SIVA1: variants seen among roughly 807,000 people sequenced by gnomAD.
SIVA1 encodes SIVA1 apoptosis inducing factor, also known as apoptosis regulatory protein Siva.
A neutral mutation model predicts 19.7 loss-of-function variants in SIVA1; 10 were observed. That is an observed-to-expected ratio of 0.51 (90% confidence interval 0.31 to 0.86). SIVA1 has a LOEUF of 0.86. Among genes scored for constraint, SIVA1 ranks in the 40% least tolerant of loss-of-function variants. The pLI, the probability that SIVA1 is intolerant of heterozygous loss-of-function variation, is 0.04. For missense variants in SIVA1, 241 were observed against 245.2 expected, an observed-to-expected ratio of 0.98 and a Z score of 0.11; for synonymous variants, 130 against 106.1, an observed-to-expected ratio of 1.23 and a Z score of -1.39.
chr14:104,753,925 G>C (rs1022202035), intron 1 of SIVA1: 7 of 353,044 alleles, frequency 2.0e-5, no homozygotes, highest in African/African-American at 1.5e-4. Flanking sequence ...GGCACGGAAG[G>C]CTTCTTGGAA....
At chr14:104,753,763 G>C (rs1347153482) in intron 1 of SIVA1, 2 of 455,022 alleles carry the variant, frequency 4.4e-6, no homozygotes, top group African/African-American at 4.0e-5. Flanking sequence ...GGCCCTGCCA[G>C]GCACGGCGGC....
chr14:104,753,422 G>C, intron 1 of SIVA1, 103 bp downstream of exon 1: 7 of 763,494 alleles, frequency 9.2e-6, no homozygotes, highest in Non-Finnish European at 1.4e-5. Context: ...GGAGGGCCCT[G>C]CTTTCTGGCC....
Position 104,755,698 on chromosome 14 carries a change from G to A in SIVA1, c.187G>A (p.Ala63Thr), listed in dbSNP as rs1220840702. The A allele has an allele frequency of 6.2e-7, 1 of 1,614,120 alleles. No individual in the cohort carries two copies. Among genetic ancestry groups the A allele is most frequent in the Admixed American group, 1.7e-5 (1 of 60,024 alleles). The change falls in exon 2 of 4, where the codon GCC becomes ACC. Residue 63 changes from alanine to threonine, a missense_variant. Physicochemically the swap from Ala to Thr is moderately conservative, Grantham distance 58. Coordinates refer to ENST00000329967, the MANE Select transcript of SIVA1 (RefSeq NM_006427.4). ...GGACCACGTGTGGGATGAAGGCTGT[G>A]CCGTCGTTCACCTGCCAGAGTCCCC... Reference protein sequence around the residue: ...YLDHVWDEGCAVVHLPESPKP... With the variant: ...YLDHVWDEGCTVVHLPESPKP...
rs972295854 is a variant in SIVA1, at chr14:104,756,966, C to T, written c.470+206C>T. 1.6e-5 allele frequency: 10 copies of T among 611,172 alleles called. No individual in the cohort carries two copies. The African/African-American group carries it at 1.7e-4, about 10-fold the overall frequency. 37.9% of individuals were successfully genotyped at this position (611,172 alleles called of 1,614,324 possible). A position where few individuals can be genotyped will look rare whatever the true frequency, so the allele number is the denominator to read the frequency against. ...TAATCCTCTCTAAGGGAAAGCTGAA[C>T]CTCACAGATGACCTGCTCTGTATCC... On this transcript the variant is annotated intron_variant, in intron 3 of 3. Coordinates refer to ENST00000329967, the MANE Select transcript of SIVA1 (RefSeq NM_006427.4).
chr14:104,756,849 AAC>A (rs201083906), intron 3 of SIVA1, 89 bp downstream of exon 3: 2 of 1,309,548 alleles, frequency 1.5e-6, no homozygotes, highest in African/African-American at 2.0e-5. Context: ...GTGGGCCCAG[AAC>A]ACACACGTGT....
chr14:104,756,898 G>A, intron 3 of SIVA1, 138 bp downstream of exon 3: 6 of 992,476 alleles, frequency 6.0e-6, no homozygotes, highest in Middle Eastern at 5.6e-4. Flanking sequence ...TTGCCTAACG[G>A]GACATGGTGG....
intron 1 of SIVA1, 51 bp downstream of exon 1, chr14:104,753,370 G>C: frequency 7.7e-7 from 1 of 1,297,902 alleles, no homozygotes; most frequent in Non-Finnish European, 1.1e-6. Flanking sequence ...GCCTGGAACG[G>C]GCCGGGCCTC....
chr14:104,756,668 CTGCGGTCAGTGTGAGCGAGCCCTG>C lies in SIVA1; in HGVS notation c.384_407del (p.Glu131_Cys138del). On this transcript the variant is annotated inframe_deletion, in exon 3 of 4. Coordinates refer to ENST00000329967, the MANE Select transcript of SIVA1 (RefSeq NM_006427.4). ...TGCGAGCCGTGGATGGGAAGGCGGT[CTGCGGTCAGTGTGAGCGAGCCCTG>C]TGCGGGCAGTGTGTGCGCACCTGCT... The C allele has an allele frequency of 6.2e-7, 1 of 1,614,222 alleles. No individual in the cohort carries two copies. Among genetic ancestry groups the C allele is most frequent in the South Asian group, 1.1e-5 (1 of 91,092 alleles).
intron 1 of SIVA1, among the ~76,000 whole-genome samples, chr14:104,754,927 G>A (rs778123805): frequency 6.6e-6 from 1 of 152,178 alleles, no homozygotes; most frequent in African/African-American, 2.4e-5. Flanking sequence ...CTGTGTTATG[G>A]TGAGGTGCAA....
chr14:104,753,681 G>C (rs754516683), intron 1 of SIVA1: 1 of 427,668 alleles, frequency 2.3e-6, no homozygotes, highest in Non-Finnish European at 4.7e-6. Context: ...AGAGGTTGGG[G>C]AGCGGGGCGT....
chr14:104,755,485 G>A (rs937183261), intron 1 of SIVA1, 145 bp from the exon 2 acceptor site: 3 of 734,184 alleles, frequency 4.1e-6, no homozygotes, highest in African/African-American at 1.8e-5. Flanking sequence ...AGCTCGCCAG[G>A]GCACAACACA....
At chr14:104,757,289 G>A (rs1157382432) in intron 3 of SIVA1, 1 of 443,104 alleles carries the variant, frequency 2.3e-6, no homozygotes, top group Non-Finnish European at 4.5e-6. Context: ...TACTCACCTG[G>A]TGGATGGGAG....
Position 104,753,180 on chromosome 14 carries a change from C to G in SIVA1, c.-22C>G. ...TAAGGGGCTGGCGGCCGGGGAGCTGCGTAGCTCCCGGCCCCGCGGCCATGC... is the reference window on the plus strand; with the variant it reads ...TAAGGGGCTGGCGGCCGGGGAGCTGGGTAGCTCCCGGCCCCGCGGCCATGC... On this transcript the variant is annotated 5_prime_UTR_variant, in exon 1 of 4. Transcript: ENST00000329967. 2 of 1,486,512 alleles carry G rather than the reference C, an allele frequency of 1.3e-6. No individual in the cohort carries two copies. The highest frequency in any genetic ancestry group is 2.4e-5 in the South Asian group (2 of 84,514). 92.1% of individuals were successfully genotyped at this position (1,486,512 alleles called of 1,614,324 possible).
intron 3 of SIVA1, chr14:104,757,288 G>A (rs1363643302): frequency 2.3e-6 from 1 of 442,854 alleles, no homozygotes; most frequent in African/African-American, 2.0e-5. Flanking sequence ...CTACTCACCT[G>A]GTGGATGGGA....
chr14:104,758,473 C>T (rs1891975444), intron 3 of SIVA1: 1 of 150,386 alleles, frequency 6.6e-6, no homozygotes, highest in Admixed American at 6.7e-5. Context: ...GTTCCCTAGC[C>T]TTTACCTTTA....
intron 3 of SIVA1, 23 bp downstream of exon 3, chr14:104,756,783 C>T (rs781040576): frequency 6.3e-6 from 10 of 1,589,286 alleles, no homozygotes; most frequent in Non-Finnish European, 8.6e-6. Flanking sequence ...GTCCCTGGAG[C>T]TGCTGAGATC....
rs1241871185 is a variant in SIVA1 at position 104,753,240 on chromosome 14, G to C, written c.39G>C (p.Pro13=). The C allele has an allele frequency of 6.3e-7, 1 of 1,591,226 alleles. No individual in the cohort carries two copies. The highest frequency in any genetic ancestry group is 2.3e-5 in the East Asian group (1 of 43,162). The change falls in exon 1 of 4, where the codon CCG becomes CCC. Residue 13 remains proline, a synonymous_variant. Coordinates refer to ENST00000329967, the MANE Select transcript of SIVA1 (RefSeq NM_006427.4). The part of the protein sequence containing the change: ...KRSCPFADVA[P]LQLKVRVSQR... ...GCTGCCCCTTCGCGGACGTGGCCCC[G>C]CTACAGCTCAAGGTCCGCGTGAGCC...
rs752215423 is a variant in SIVA1, at chr14:104,756,696, G to A, written c.406G>A (p.Gly136Arg). 33 of 1,614,052 alleles carry A rather than the reference G, an allele frequency of 2.0e-5. No homozygotes were observed. The highest frequency in any genetic ancestry group is 3.3e-5 in the Admixed American group (2 of 60,002). The change falls in exon 3 of 4, where the codon GGG (glycine) becomes AGG (arginine). Residue 136 changes from glycine to arginine, a missense_variant. Coordinates refer to ENST00000329967, the MANE Select transcript of SIVA1 (RefSeq NM_006427.4). Reference protein sequence around the residue: ...VCGQCERALCGQCVRTCWGCG... With the variant: ...VCGQCERALCRQCVRTCWGCG... ...CGGTCAGTGTGAGCGAGCCCTGTGC[G>A]GGCAGTGTGTGCGCACCTGCTGGGG...
intron 3 of SIVA1, chr14:104,757,482 G>A (rs1332492728): frequency 2.1e-5 from 5 of 243,166 alleles, no homozygotes; most frequent in Non-Finnish European, 3.4e-5. Flanking sequence ...TTCAGTCGGG[G>A]CAGAGGCCCA....
Sources: allele counts gnomAD v4.1 joint callset (sites outside exome capture counted in the v4.1 genomes callset), GRCh38; gene constraint gnomAD v4.1.1; transcripts MANE v1.5; gene names NCBI Gene and HGNC (gene_info 2026-07-23, HGNC 2026-07-21).